Variants in ITPK1 observed in about 807,000 individuals in gnomAD.
The protein encoded by ITPK1 is inositol-tetrakisphosphate 1-kinase, also known as inositol 1,3,4-trisphosphate 5/6-kinase.
ITPK1 carries 21 observed loss-of-function variants against 45.3 expected under a neutral mutation model. The observed-to-expected ratio is 0.46, with a 90% CI of 0.33 to 0.67. The LOEUF (loss-of-function observed/expected upper bound fraction) is 0.67, where lower values mean the gene tolerates loss of function less well. ITPK1 is among the 30% of genes least tolerant of loss of function. The probability of loss-of-function intolerance (pLI) is 0.02; values close to 1 mark genes in which losing one functional copy is unlikely to be tolerated. For synonymous variants in ITPK1, 258 were observed against 253.6 expected, an observed-to-expected ratio of 1.02 and a Z score of -0.16; for missense variants, 474 against 573.5, an observed-to-expected ratio of 0.83 and a Z score of 1.77.
chr14:93,103,473 C>T (rs1025332390), intron 2 of ITPK1, among the ~76,000 whole-genome samples: 10 of 152,008 alleles, frequency 6.6e-5, no homozygotes, highest in African/African-American at 2.2e-4. Context: ...CTGAGAGGTA[C>T]GTGACCCAGC....
intron 3 of ITPK1, among the ~76,000 whole-genome samples, chr14:93,061,074 G>A (rs1880755617): frequency 6.6e-6 from 1 of 152,140 alleles, no homozygotes; most frequent in South Asian, 2.1e-4. Flanking sequence ...TCACTGGAGG[G>A]ATCACTCCAA....
In ITPK1 at chr14:92,938,151, G is replaced by A. The variant is rs549949855; in HGVS notation, c.*3410C>T. On this transcript the variant is annotated 3_prime_UTR_variant, in exon 11 of 11. Coordinates refer to ENST00000267615, the MANE Select transcript of ITPK1 (RefSeq NM_014216.6). Reference sequence around the variant, plus strand: ...ATTTTTGTATTTTTAGTAGAGATGGGGTTTCACCATGTTGGCCAGGATGGT... The same window carrying A: ...ATTTTTGTATTTTTAGTAGAGATGGAGTTTCACCATGTTGGCCAGGATGGT... 1.2e-3 allele frequency: 447 copies of A among 359,142 alleles called. 13 individuals carry two copies. The East Asian group carries it at 0.026, about 21-fold the overall frequency. 22.2% of individuals were successfully genotyped at this position (359,142 alleles called of 1,614,324 possible). A position where few individuals can be genotyped will look rare whatever the true frequency, so the allele number is the denominator to read the frequency against.
At chr14:92,986,305 C>T (rs1886481686) in intron 5 of ITPK1, among the ~76,000 whole-genome samples, 1 of 152,156 alleles carries the variant, frequency 6.6e-6, no homozygotes, top group Non-Finnish European at 1.5e-5. Flanking sequence ...TTTGAGTACC[C>T]ATGTACCCTG....
At chr14:93,095,133 C>T (rs996222690) in intron 2 of ITPK1, among the ~76,000 whole-genome samples, 1 of 152,126 alleles carries the variant, frequency 6.6e-6, no homozygotes, top group African/African-American at 2.4e-5. Context: ...AGGAGGAACT[C>T]GGTGCTCCAG....
intron 8 of ITPK1, among the ~76,000 whole-genome samples, chr14:92,957,113 C>T (rs1033668092): frequency 3.3e-5 from 5 of 152,236 alleles, no homozygotes; most frequent in Admixed American, 6.5e-5. Flanking sequence ...CCCTCCATGC[C>T]GGGCGGCACA....
At chr14:92,990,064 C>G (rs369682601) in intron 5 of ITPK1, among the ~76,000 whole-genome samples, 1 of 152,198 alleles carries the variant, frequency 6.6e-6, no homozygotes, top group African/African-American at 2.4e-5. Flanking sequence ...CCCTAAAACT[C>G]GTTCTAGCCC....
intron 9 of ITPK1, 77 bp from the exon 10 acceptor site, chr14:92,946,570 C>T: frequency 7.1e-7 from 1 of 1,399,102 alleles, no homozygotes; most frequent in African/African-American, 1.4e-5. Context: ...ACCCCCCACA[C>T]CAGCTGCCAC....
chr14:93,010,758 G>A (rs1887849650), intron 4 of ITPK1, among the ~76,000 whole-genome samples: 1 of 152,208 alleles, frequency 6.6e-6, no homozygotes, highest in Non-Finnish European at 1.5e-5. Context: ...GTGACTGATG[G>A]TTCACTAGGC....
chr14:93,040,002 C>T (rs1049927501), intron 3 of ITPK1, among the ~76,000 whole-genome samples: 1 of 152,270 alleles, frequency 6.6e-6, no homozygotes, highest in Admixed American at 6.5e-5. Flanking sequence ...CACACGGGTG[C>T]TCCTGCCAGC....
At chr14:92,988,785 C>A (rs1243386671) in intron 5 of ITPK1, among the ~76,000 whole-genome samples, 1 of 152,206 alleles carries the variant, frequency 6.6e-6, no homozygotes, top group East Asian at 1.9e-4. Flanking sequence ...CCCTCAGTAT[C>A]CTCACCTCTA....
rs1890601374 is a variant in ITPK1, at chr14:93,063,091, CAG to C, written c.120+13502_120+13503del. Among the ~76,000 whole-genome samples the C allele has an allele frequency of 1.3e-5, 2 of 152,348 alleles. No homozygotes were observed. The highest frequency in any genetic ancestry group is 4.8e-5 in the African/African-American group (2 of 41,584). On this transcript the variant is annotated intron_variant, in intron 3 of 10. Coordinates refer to ENST00000267615, the MANE Select transcript of ITPK1 (RefSeq NM_014216.6). This position sits in a 1 kb window ranked among gnomAD's most constrained non-coding sequence, Gnocchi z 4.3. Reference sequence around the variant, plus strand: ...CCCATCTCCCATCTCTCTCCCACGCCAGACCCTTCTCCAAGCCCCACTCCTTG... The same window carrying C: ...CCCATCTCCCATCTCTCTCCCACGCCACCCTTCTCCAAGCCCCACTCCTTG...
chr14:93,053,577 G>C (rs1028319943), intron 3 of ITPK1, among the ~76,000 whole-genome samples: 2 of 152,240 alleles, frequency 1.3e-5, no homozygotes, highest in African/African-American at 4.8e-5. Flanking sequence ...AGGTCACTAT[G>C]CATGTGTCCA....
chr14:93,092,817 A>G (rs1055115249), intron 2 of ITPK1, among the ~76,000 whole-genome samples: 1 of 152,124 alleles, frequency 6.6e-6, no homozygotes, highest in Non-Finnish European at 1.5e-5. Flanking sequence ...CATTCGACTC[A>G]GCCTCCAGGC....
chr14:93,102,276 G>C lies in ITPK1; in HGVS notation c.95+12793C>G, dbSNP rs1892350580. On this transcript the variant is annotated intron_variant, in intron 2 of 10. Transcript: ENST00000267615. Reference sequence around the variant, plus strand: ...CCAAATCTCCGCAAGCACAGGCCACGGCTTGGCTGCGCCCAGGTCAAGGTG... The same window carrying C: ...CCAAATCTCCGCAAGCACAGGCCACCGCTTGGCTGCGCCCAGGTCAAGGTG... 2.0e-5 allele frequency among the ~76,000 whole-genome samples: 3 copies of C among 152,258 alleles called. No individual in the cohort carries two copies. The South Asian group carries it at 6.2e-4, about 31-fold the overall frequency.
rs113704734 is a variant in ITPK1 at position 93,020,240 on chromosome 14, C to T, written c.121-3439G>A. 1.6e-3 allele frequency among the ~76,000 whole-genome samples: 242 copies of T among 152,334 alleles called. 1 individual carries two copies. The highest frequency in any genetic ancestry group is 5.7e-3 in the African/African-American group (238 of 41,582). The stretch of plus-strand genomic sequence containing the variant: ...GTGGCCCCAGAGTCCTCTTTGACTT[C>T]CAAAATGATTAACCCAATCGTACCC... On this transcript the variant is annotated intron_variant, in intron 3 of 10. Transcript: ENST00000267615.
Position 93,016,360 on chromosome 14 carries a change from T to C in ITPK1, c.246+316A>G, listed in dbSNP as rs1339778686. ...TGCCTACCTGAGCCAGGGGAAAGGG[T>C]TGCACATGCCTGTGCTGAGGACGTG... On this transcript the variant is annotated intron_variant, in intron 4 of 10. Coordinates refer to ENST00000267615, the MANE Select transcript of ITPK1 (RefSeq NM_014216.6). The surrounding 1 kb of genome is among the most constrained non-coding windows in gnomAD (Gnocchi z 5.0). 6.6e-6 allele frequency among the ~76,000 whole-genome samples: 1 copy of C among 152,062 alleles called. No homozygotes were observed. Among genetic ancestry groups the C allele is most frequent in the African/African-American group, 2.4e-5 (1 of 41,394 alleles).
At chr14:92,970,498 G>C (rs1050652314) in intron 5 of ITPK1, among the ~76,000 whole-genome samples, 1 of 152,222 alleles carries the variant, frequency 6.6e-6, no homozygotes, top group Non-Finnish European at 1.5e-5. Context: ...GCTGCGCTCA[G>C]TCCTGCTTCC....
At chr14:92,947,608 T>G (rs1012059783) in intron 9 of ITPK1, among the ~76,000 whole-genome samples, 2 of 152,206 alleles carry the variant, frequency 1.3e-5, no homozygotes, top group African/African-American at 4.8e-5. Context: ...CTCAGACTTA[T>G]GTTGATAAGG....
At chr14:93,082,447 CT>C (rs111467486) in intron 2 of ITPK1, among the ~76,000 whole-genome samples, 3,037 of 152,298 alleles carry the variant, frequency 0.02, 115 homozygotes, top group African/African-American at 0.068. Context: ...CCAGACCCCC[CT>C]GTACCTTGTG....
Sources: gnomAD v4.1 joint callset for allele counts (sites outside exome capture counted in the v4.1 genomes callset) on GRCh38, gnomAD v4.1.1 for gene constraint, Gnocchi (gnomAD v3.1) non-coding constraint, MANE v1.5 for transcripts, NCBI Gene and HGNC (gene_info 2026-07-23, HGNC 2026-07-21) for gene names.